LHFPL3: variants seen among roughly 807,000 people sequenced by gnomAD.
The protein encoded by LHFPL3 is LHFPL tetraspan subfamily member 3.
LHFPL3 carries 5 observed loss-of-function variants against 19.3 expected under a neutral mutation model. The observed-to-expected ratio is 0.26, with a 90% CI of 0.14 to 0.54. The LOEUF (loss-of-function observed/expected upper bound fraction) is 0.54, where lower values mean the gene tolerates loss of function less well. LHFPL3 is among the 20% of genes least tolerant of loss of function. LHFPL3 has a pLI of 0.94. For missense variants in LHFPL3, 249 were observed against 307.4 expected, an observed-to-expected ratio of 0.81 and a Z score of 1.42; for synonymous variants, 133 against 126.2, an observed-to-expected ratio of 1.05 and a Z score of -0.36.
At chr7:104,808,096 C>G (rs528422262) in intron 2 of LHFPL3, among the ~76,000 whole-genome samples, 1 of 152,304 alleles carries the variant, frequency 6.6e-6, no homozygotes, top group East Asian at 1.9e-4. Context: ...GTATTTGACT[C>G]TCAACCTACT....
At chr7:104,807,286 A>C (rs969435754) in intron 2 of LHFPL3, among the ~76,000 whole-genome samples, 2 of 152,254 alleles carry the variant, frequency 1.3e-5, no homozygotes, top group African/African-American at 4.8e-5. Flanking sequence ...AAGCCAAGGA[A>C]TGCCAGAGAG....
At chr7:104,901,380 G>A (rs1179550088) in intron 2 of LHFPL3, among the ~76,000 whole-genome samples, 1 of 152,112 alleles carries the variant, frequency 6.6e-6, no homozygotes, top group East Asian at 1.9e-4. Flanking sequence ...GCATGCCCTG[G>A]GGTTTCTGTT....
At chr7:104,672,058 AGTGT>A (rs71155518) in intron 1 of LHFPL3, among the ~76,000 whole-genome samples, 82 of 148,786 alleles carry the variant, frequency 5.5e-4, no homozygotes, top group Non-Finnish European at 9.5e-4. Context: ...TTAACTTCCA[AGTGT>A]GTGTGTGTGT....
intron 2 of LHFPL3, among the ~76,000 whole-genome samples, chr7:104,749,218 C>A (rs1332275856): frequency 1.8e-4 from 27 of 151,142 alleles, no homozygotes; most frequent in African/African-American, 6.1e-4. Context: ...AGGTTTGGAT[C>A]TTATCAGATG....
intron 1 of LHFPL3, among the ~76,000 whole-genome samples, chr7:104,453,179 A>G (rs1047867488): frequency 9.8e-5 from 15 of 152,318 alleles, no homozygotes; most frequent in African/African-American, 3.6e-4. Context: ...TAAACAGGCA[A>G]GACTGCTTCA....
At chr7:104,455,668 C>T (rs959972933) in intron 1 of LHFPL3, among the ~76,000 whole-genome samples, 1 of 152,128 alleles carries the variant, frequency 6.6e-6, no homozygotes, top group Non-Finnish European at 1.5e-5. Flanking sequence ...TTGCAGTGAG[C>T]CAAGATCATG....
chr7:104,470,600 C>G (rs59299745), intron 1 of LHFPL3, among the ~76,000 whole-genome samples: 9,212 of 152,192 alleles, frequency 0.061, 747 homozygotes, highest in African/African-American at 0.19. Context: ...CTCACTGATT[C>G]TAATAAAAAC....
At chr7:104,878,646 T>C (rs1791992204) in intron 2 of LHFPL3, among the ~76,000 whole-genome samples, 1 of 152,152 alleles carries the variant, frequency 6.6e-6, no homozygotes, top group Admixed American at 6.5e-5. Context: ...TACTAAACAG[T>C]GTTTAAGTGA....
chr7:104,712,530 A>G (rs1277137088), intron 1 of LHFPL3, among the ~76,000 whole-genome samples: 1 of 152,208 alleles, frequency 6.6e-6, no homozygotes, highest in Admixed American at 6.5e-5. Context: ...ATTTCAACAT[A>G]TATTTGGGGG....
intron 1 of LHFPL3, among the ~76,000 whole-genome samples, chr7:104,580,332 A>G (rs746056741): frequency 6.6e-6 from 1 of 152,264 alleles, no homozygotes; most frequent in Non-Finnish European, 1.5e-5. Flanking sequence ...CAAACATTTT[A>G]TTATGAAAAT....
chr7:104,891,842 G>A (rs577550465), intron 2 of LHFPL3, among the ~76,000 whole-genome samples: 33 of 152,334 alleles, frequency 2.2e-4, no homozygotes, highest in African/African-American at 7.7e-4. Context: ...GAGATATGGT[G>A]TAGACAGGCT....
intron 1 of LHFPL3, among the ~76,000 whole-genome samples, chr7:104,497,759 G>A (rs17138115): frequency 0.02 from 3,053 of 152,226 alleles, 95 homozygotes; most frequent in African/African-American, 0.068. Context: ...CTGATATCCC[G>A]GTGTTGCCCA....
chr7:104,742,856 T>G (rs1377985674), intron 2 of LHFPL3, among the ~76,000 whole-genome samples: 3 of 151,856 alleles, frequency 2.0e-5, no homozygotes, highest in Non-Finnish European at 4.4e-5. Flanking sequence ...GGGGAGGGGA[T>G]AGGTAAAAGT....
chr7:104,412,200 G>T (rs183985403), intron 1 of LHFPL3, among the ~76,000 whole-genome samples: 4 of 149,668 alleles, frequency 2.7e-5, no homozygotes, highest in African/African-American at 7.7e-5. Context: ...TAAGTATACC[G>T]TATTGTTCAT....
At chr7:104,672,880 T>A (rs1792512703) in intron 1 of LHFPL3, among the ~76,000 whole-genome samples, 1 of 152,066 alleles carries the variant, frequency 6.6e-6, no homozygotes, top group African/African-American at 2.4e-5. Context: ...AGCAAATGAA[T>A]GCTCGGGGTT....
chr7:104,568,265 A>C (rs1026989421), intron 1 of LHFPL3, among the ~76,000 whole-genome samples: 1 of 152,216 alleles, frequency 6.6e-6, no homozygotes, highest in South Asian at 2.1e-4. Context: ...CTGATGTGCA[A>C]TCATAGTTAA....
intron 2 of LHFPL3, among the ~76,000 whole-genome samples, chr7:104,855,647 G>C (rs544981316): frequency 6.8e-6 from 1 of 146,730 alleles, no homozygotes; most frequent in African/African-American, 2.5e-5. Flanking sequence ...TTTTTTAGTC[G>C]GAGCCTCGCT....
At chr7:104,595,163 C>T (rs1790819253) in intron 1 of LHFPL3, among the ~76,000 whole-genome samples, 1 of 152,206 alleles carries the variant, frequency 6.6e-6, no homozygotes, top group African/African-American at 2.4e-5. Flanking sequence ...TGGTTTCTCC[C>T]CATCTTTGTG....
At chr7:104,369,561 G>A (rs576885875) in intron 1 of LHFPL3, among the ~76,000 whole-genome samples, 1 of 152,230 alleles carries the variant, frequency 6.6e-6, no homozygotes, top group Admixed American at 6.5e-5. Flanking sequence ...TGGAATTATT[G>A]GGTTGTATGG....
Sources: allele counts gnomAD v4.1 joint callset (sites outside exome capture counted in the v4.1 genomes callset), GRCh38; gene constraint gnomAD v4.1.1; transcripts MANE v1.5; gene names NCBI Gene and HGNC (gene_info 2026-07-23, HGNC 2026-07-21).